Variants in VASH2 observed in about 807,000 individuals in gnomAD.
VASH2 encodes the protein tubulinyl-Tyr carboxypeptidase 2.
In VASH2, 28 loss-of-function variants were observed where a neutral mutation model predicts 37.2. The observed-to-expected ratio is 0.75, with a 90% CI of 0.56 to 1.03. VASH2 has a LOEUF of 1.03. Ranked by LOEUF, VASH2 falls within the 50% of genes least tolerant of loss-of-function variation. The probability of loss-of-function intolerance (pLI) is 0.00; values close to 1 mark genes in which losing one functional copy is unlikely to be tolerated. For synonymous variants in VASH2, 188 were observed against 174.7 expected, an observed-to-expected ratio of 1.08 and a Z score of -0.60; for missense variants, 419 against 459.1, an observed-to-expected ratio of 0.91 and a Z score of 0.80.
chr1:212,973,430 T>C (rs771847988), intron 6 of VASH2: 16 of 1,291,284 alleles, frequency 1.2e-5, no homozygotes, highest in Admixed American at 4.6e-5. Flanking sequence ...CCAGGGCTTG[T>C]GCAGTCACTA....
chr1:212,957,362 T>C (rs1211095808), intron 2 of VASH2, among the ~76,000 whole-genome samples: 1 of 152,222 alleles, frequency 6.6e-6, no homozygotes, highest in Non-Finnish European at 1.5e-5. Context: ...ATTTTTCTTG[T>C]CACTTTGCAT....
At chr1:212,974,149 CTG>C in intron 7 of VASH2, 79 bp downstream of exon 7, 1 of 1,465,494 alleles carries the variant, frequency 6.8e-7, no homozygotes, top group South Asian at 1.4e-5. Flanking sequence ...GGGGACAAAG[CTG>C]TGTCTTGGGC....
chr1:212,956,765 A>G (rs1666509438), intron 2 of VASH2, among the ~76,000 whole-genome samples: 1 of 152,206 alleles, frequency 6.6e-6, no homozygotes, highest in Non-Finnish European at 1.5e-5. Context: ...TTCTTATATT[A>G]TTAGAGCACT....
At chr1:212,987,273 T>TA (rs957788927) in intron 7 of VASH2, among the ~76,000 whole-genome samples, 4 of 151,616 alleles carry the variant, frequency 2.6e-5, no homozygotes, top group Non-Finnish European at 5.9e-5. Flanking sequence ...TTTTTTTTTT[T>TA]AATACTTAAG....
In VASH2 at chr1:212,951,775, G is replaced by T. The variant is rs767792299; in HGVS notation, c.233G>T (p.Gly78Val). The T allele has an allele frequency of 6.2e-7, 1 of 1,608,788 alleles. No individual in the cohort carries two copies. The highest frequency in any genetic ancestry group is 8.5e-7 in the Non-Finnish European group (1 of 1,178,638). ...GTGGCCAAGGTGCACCCTAAGGGGGGAGAAATGGTGGGCGCCATCAGGAAC... is the reference window on the plus strand; with the variant it reads ...GTGGCCAAGGTGCACCCTAAGGGGGTAGAAATGGTGGGCGCCATCAGGAAC... ...MHVAKVHPKG[G>V]EMVGAIRNAA... The change falls in exon 2 of 8, where the codon GGA becomes GTA. Residue 78 changes from glycine (G) to valine (V), a missense_variant. Around this residue, in one of 3 missense-constraint regions of VASH2, gnomAD observed 158 missense variants for 163.0 expected, o/e 0.97. Transcript: ENST00000517399. This position sits in a 1 kb window ranked among gnomAD's most constrained non-coding sequence, Gnocchi z 4.4.
Position 212,961,159 on chromosome 1 carries a change from T to C in VASH2, c.277-7T>C. ...ATAAACACCTCCTCTTCTCTATTTT[T>C]CTGCAGCCTTCAATACCCCAGGTCC... is the stretch of plus-strand genomic sequence containing the variant. On this transcript the variant is annotated splice_polypyrimidine_tract_variant and splice_region_variant and intron_variant, in intron 2 of 7. Transcript: ENST00000517399. The C allele has an allele frequency of 6.2e-7, 1 of 1,614,102 alleles. No homozygotes were observed. Among genetic ancestry groups the C allele is most frequent in the Non-Finnish European group, 8.5e-7 (1 of 1,179,980 alleles).
chr1:212,988,380 A>G, intron 7 of VASH2, 132 bp from the exon 8 acceptor site: 2 of 849,240 alleles, frequency 2.4e-6, no homozygotes, highest in Non-Finnish European at 3.8e-6. Context: ...TAAGGCTGGC[A>G]GGGTGGGGGA....
chr1:212,952,640 A>G (rs959571755), intron 2 of VASH2: 1 of 152,228 alleles, frequency 6.6e-6, no homozygotes, highest in East Asian at 1.9e-4. Context: ...GTGGGAGTAG[A>G]TACGTTATAT....
At chr1:212,954,879 A>G (rs970219527) in intron 2 of VASH2, among the ~76,000 whole-genome samples, 4 of 152,180 alleles carry the variant, frequency 2.6e-5, no homozygotes, top group Admixed American at 6.5e-5. Flanking sequence ...CTCACATTGC[A>G]TCTTAATGGT....
At chr1:212,959,660 G>C (rs993275913) in intron 2 of VASH2, among the ~76,000 whole-genome samples, 1 of 152,220 alleles carries the variant, frequency 6.6e-6, no homozygotes, top group Non-Finnish European at 1.5e-5. Context: ...ATGCCCAGGC[G>C]GGGGGCAGCG....
In VASH2 at chr1:212,972,767, A is replaced by G. The variant is rs1376176462; in HGVS notation, c.685A>G (p.Ile229Val). ...GACTTTTCGGACTCTGAGTGACCTCATCTTTGACTTTGAGGACTCTTACAA... is the reference window on the plus strand; with the variant it reads ...GACTTTTCGGACTCTGAGTGACCTCGTCTTTGACTTTGAGGACTCTTACAA... ...PLTFRTLSDL[I>V]FDFEDSYKKY... The change falls in exon 6 of 8, where the codon ATC (isoleucine) becomes GTC (valine). Residue 229 changes from isoleucine to valine, a missense_variant. Ile to Val is a conservative substitution (Grantham distance 29). Coordinates refer to ENST00000517399, the MANE Select transcript of VASH2 (RefSeq NM_001301056.2). 1.3e-5 allele frequency: 21 copies of G among 1,614,080 alleles called. No homozygotes were observed. The East Asian group carries it at 2.2e-4, about 17-fold the overall frequency.
At chr1:212,953,235 G>C (rs76293249) in intron 2 of VASH2, among the ~76,000 whole-genome samples, 16 of 151,782 alleles carry the variant, frequency 1.1e-4, no homozygotes, top group East Asian at 3.9e-4. Context: ...GTGCGCGGGG[G>C]GGGGTGCATT....
At chr1:212,969,051 G>A (rs1410894949) in intron 5 of VASH2, 3 of 985,350 alleles carry the variant, frequency 3.0e-6, no homozygotes, top group Non-Finnish European at 3.6e-6. Flanking sequence ...ATCAGAGACA[G>A]TGTGCTCGTG....
chr1:212,965,239 A>G (rs529002668), intron 3 of VASH2, among the ~76,000 whole-genome samples: 1 of 152,332 alleles, frequency 6.6e-6, no homozygotes, highest in East Asian at 1.9e-4. Context: ...TATGGGTGAT[A>G]TAAAGATAAT....
At chr1:212,952,045 T>A (rs1386775249) in intron 2 of VASH2, among the ~76,000 whole-genome samples, 1 of 152,286 alleles carries the variant, frequency 6.6e-6, no homozygotes, top group South Asian at 2.1e-4. Context: ...ATCCTGGGAC[T>A]GTGTAATTGG....
Position 212,973,979 on chromosome 1 carries a change from T to C in VASH2, c.904T>C (p.Ser302Pro), listed in dbSNP as rs1667098269. 6.2e-7 allele frequency: 1 copy of C among 1,613,698 alleles called. No homozygotes were observed. Among genetic ancestry groups the C allele is most frequent in the Non-Finnish European group, 8.5e-7 (1 of 1,179,890 alleles). The change falls in exon 7 of 8, where the codon TCT (serine) becomes CCT (proline). Residue 302 changes from serine (S) to proline (P), a missense_variant. This residue lies in a region of VASH2 where 177 missense variants were observed against 166.2 expected (regional missense o/e 1.06). Transcript: ENST00000517399. ...MKILKPASAHSPTQVRSRGKS... is the reference protein window; with the variant it reads ...MKILKPASAHPPTQVRSRGKS... Reference sequence around the variant, plus strand: ...GATCCTGAAACCTGCAAGTGCCCACTCTCCGACCCAAGTGAGAAGCCGGGG... The same window carrying C: ...GATCCTGAAACCTGCAAGTGCCCACCCTCCGACCCAAGTGAGAAGCCGGGG...
At chr1:212,962,788 C>T (rs1666717559) in intron 3 of VASH2, among the ~76,000 whole-genome samples, 1 of 152,176 alleles carries the variant, frequency 6.6e-6, no homozygotes, top group African/African-American at 2.4e-5. Flanking sequence ...GCAGCCCTAG[C>T]CCTTGGAAGG....
At chr1:212,975,755 A>C (rs1419074351) in intron 7 of VASH2, among the ~76,000 whole-genome samples, 1 of 152,230 alleles carries the variant, frequency 6.6e-6, no homozygotes, top group African/African-American at 2.4e-5. Context: ...GTTTTGCCCA[A>C]GGAGGGCTGA....
intron 7 of VASH2, among the ~76,000 whole-genome samples, chr1:212,982,774 T>A (rs1667374487): frequency 6.6e-6 from 1 of 152,208 alleles, no homozygotes; most frequent in African/African-American, 2.4e-5. Context: ...CTGTCAGTAT[T>A]AGCCCTTTTC....
Sources: gnomAD v4.1 joint callset for allele counts (sites outside exome capture counted in the v4.1 genomes callset) on GRCh38, gnomAD v4.1.1 for gene constraint, gnomAD v4.1.1 regional missense constraint, Gnocchi (gnomAD v3.1) non-coding constraint, MANE v1.5 for transcripts, NCBI Gene and HGNC (gene_info 2026-07-23, HGNC 2026-07-21) for gene names.